PPP1R12B: variants seen among roughly 807,000 people sequenced by gnomAD.
PPP1R12B encodes protein phosphatase 1 regulatory subunit 12B.
A neutral mutation model predicts 126.1 loss-of-function variants in PPP1R12B; 76 were observed. That is an observed-to-expected ratio of 0.60 (90% CI 0.50 to 0.73). PPP1R12B has a LOEUF of 0.73. Among genes scored for constraint, PPP1R12B ranks in the 30% least tolerant of loss-of-function variants. PPP1R12B has a pLI of 0.00. For synonymous variants in PPP1R12B, 356 were observed against 434.7 expected, an observed-to-expected ratio of 0.82 and a Z score of 2.25; for missense variants, 1,052 against 1,205.1, an observed-to-expected ratio of 0.87 and a Z score of 1.88.
intron 12 of PPP1R12B, among the ~76,000 whole-genome samples, chr1:202,447,541 G>A (rs1224806517): frequency 6.6e-6 from 1 of 152,136 alleles, no homozygotes; most frequent in Non-Finnish European, 1.5e-5. Flanking sequence ...CAAATGTTGT[G>A]TTTCCAAAGC....
chr1:202,576,502 T>C (rs1004416890), intron 23 of PPP1R12B: 6 of 152,224 alleles, frequency 3.9e-5, no homozygotes, highest in Admixed American at 6.5e-5. Flanking sequence ...CTGTAGATGC[T>C]ATCATAGGCA....
At chr1:202,398,225 C>T (rs74136784) in intron 1 of PPP1R12B, among the ~76,000 whole-genome samples, 1,704 of 152,264 alleles carry the variant, frequency 0.011, 36 homozygotes, top group African/African-American at 0.039. Flanking sequence ...GTGCATTACA[C>T]GCACATGCAT....
At chr1:202,416,966 CT>C in intron 2 of PPP1R12B, 49 bp downstream of exon 2, 1 of 1,561,838 alleles carries the variant, frequency 6.4e-7, no homozygotes, top group Admixed American at 1.9e-5. Flanking sequence ...TAGGAATAGC[CT>C]TCATTTCTCC....
At chr1:202,500,218 GCT>G (rs151303629) in intron 18 of PPP1R12B, among the ~76,000 whole-genome samples, 608 of 145,804 alleles carry the variant, frequency 4.2e-3, no homozygotes, top group Middle Eastern at 0.011. Context: ...TCTCTCTCTT[GCT>G]CTCTCTCTCT....
intron 1 of PPP1R12B, among the ~76,000 whole-genome samples, chr1:202,415,173 A>G (rs1667908196): frequency 6.6e-6 from 1 of 152,196 alleles, no homozygotes; most frequent in Non-Finnish European, 1.5e-5. Flanking sequence ...AATATTAAAA[A>G]AAACATTTCT....
chr1:202,567,230 A>C (rs1038453359), intron 21 of PPP1R12B, among the ~76,000 whole-genome samples: 8 of 152,236 alleles, frequency 5.3e-5, no homozygotes, highest in African/African-American at 1.4e-4. Flanking sequence ...GAACCCCTTA[A>C]AGCCCACCCA....
At chr1:202,372,501 C>CA (rs1223978648) in intron 1 of PPP1R12B, among the ~76,000 whole-genome samples, 1,996 of 144,906 alleles carry the variant, frequency 0.014, 34 homozygotes, top group African/African-American at 0.043. Flanking sequence ...GACCCTGTCT[C>CA]AAAAAAAAAA....
intron 10 of PPP1R12B, chr1:202,439,045 C>A: frequency 1.4e-6 from 2 of 1,381,720 alleles, no homozygotes; most frequent in Non-Finnish European, 2.1e-6. Context: ...CGGACTTCAT[C>A]CTGGCCGCCA....
chr1:202,454,944 TCTC>T (rs1429935206), intron 13 of PPP1R12B, among the ~76,000 whole-genome samples: 1 of 151,942 alleles, frequency 6.6e-6, no homozygotes, highest in African/African-American at 2.4e-5. Flanking sequence ...AGATTTCCCT[TCTC>T]CTGGAGGATG....
rs1189699525 is a variant in PPP1R12B at position 202,495,367 on chromosome 1, A to T, written c.2220A>T (p.Arg740Ser). ...CGCCAGCATCTCCTTCTACGTCAAG[A>T]CCCTCACTCTACACCAGTTCCCACC... Reference protein sequence around the residue: ...PTTPASPSTSRPSLYTSSHLL... With the variant: ...PTTPASPSTSSPSLYTSSHLL... The change falls in exon 16 of 24, where the codon AGA becomes AGT. Residue 740 changes from arginine (R) to serine (S), a missense_variant. Arg to Ser is a moderately radical substitution (Grantham distance 110). Coordinates refer to ENST00000608999, the MANE Select transcript of PPP1R12B (RefSeq NM_002481.4). The T allele has an allele frequency of 6.2e-7, 1 of 1,607,274 alleles. No homozygotes were observed. Among genetic ancestry groups the T allele is most frequent in the Admixed American group, 1.7e-5 (1 of 59,390 alleles).
At chr1:202,490,762 A>G (rs1344800058) in intron 14 of PPP1R12B, among the ~76,000 whole-genome samples, 3 of 152,344 alleles carry the variant, frequency 2.0e-5, no homozygotes, top group Admixed American at 6.5e-5. Context: ...TAGCATAGTT[A>G]TCAAGGTTCA....
At chr1:202,374,505 T>TTC (rs1206774520) in intron 1 of PPP1R12B, among the ~76,000 whole-genome samples, 1 of 142,276 alleles carries the variant, frequency 7.0e-6, no homozygotes, top group Non-Finnish European at 1.5e-5. Context: ...TTTTTTTTTT[T>TTC]TTTTTTTTTT....
Position 202,584,028 on chromosome 1 carries a change from T to A in PPP1R12B, c.*3468T>A, listed in dbSNP as rs1244443791. 6.6e-6 allele frequency: 1 copy of A among 152,160 alleles called. No individual in the cohort carries two copies. The highest frequency in any genetic ancestry group is 1.9e-4 in the East Asian group (1 of 5,196). The allele number at this position is 152,160 out of a possible 1,614,324, so 9.4% of individuals were successfully genotyped here. Reference sequence around the variant, plus strand: ...GGCTGCTGATCCTTTTCCAGATAGCTCCAGAGTATGATGACCCCAGCCCCA... The same window carrying A: ...GGCTGCTGATCCTTTTCCAGATAGCACCAGAGTATGATGACCCCAGCCCCA... On this transcript the variant is annotated 3_prime_UTR_variant, in exon 24 of 24. Coordinates refer to ENST00000608999, the MANE Select transcript of PPP1R12B (RefSeq NM_002481.4).
intron 23 of PPP1R12B, chr1:202,575,153 C>G (rs766466758): frequency 1.2e-6 from 2 of 1,608,674 alleles, no homozygotes; most frequent in Non-Finnish European, 1.7e-6. Flanking sequence ...CCCCTACTCT[C>G]CAACTCACTT....
intron 1 of PPP1R12B, 34 bp from the exon 2 acceptor site, chr1:202,416,753 C>T (rs765700137): frequency 1.2e-6 from 2 of 1,602,860 alleles, no homozygotes; most frequent in Admixed American, 1.7e-5. Context: ...TCAATGAATA[C>T]TTGTTGAATG....
Position 202,584,812 on chromosome 1 carries a change from T to G in PPP1R12B, c.*4252T>G, listed in dbSNP as rs1375784065. On this transcript the variant is annotated 3_prime_UTR_variant, in exon 24 of 24. Coordinates refer to ENST00000608999, the MANE Select transcript of PPP1R12B (RefSeq NM_002481.4). Reference sequence around the variant, plus strand: ...TTAAGCAGAAAGAAAAGGGAAATTCTACTCTACCAGATGAGCCACTGGTTC... The same window carrying G: ...TTAAGCAGAAAGAAAAGGGAAATTCGACTCTACCAGATGAGCCACTGGTTC... 3 of 152,248 alleles carry G rather than the reference T, an allele frequency of 2.0e-5. No individual in the cohort carries two copies. The highest frequency in any genetic ancestry group is 7.2e-5 in the African/African-American group (3 of 41,470). 9.4% of individuals were successfully genotyped at this position (152,248 alleles called of 1,614,324 possible).
At chr1:202,553,321 T>G (rs77713936) in intron 18 of PPP1R12B, among the ~76,000 whole-genome samples, 1,741 of 152,318 alleles carry the variant, frequency 0.011, 21 homozygotes, top group Non-Finnish European at 0.02. Context: ...AGTAATTCCT[T>G]CTTTGAACAG....
At chr1:202,498,806 T>C (rs1324800910) in intron 18 of PPP1R12B, among the ~76,000 whole-genome samples, 1 of 152,194 alleles carries the variant, frequency 6.6e-6, no homozygotes. Flanking sequence ...TCCATTGAAA[T>C]GGTGCTGTTA....
rs1688353748 is a variant in PPP1R12B, at chr1:202,569,203, A to G, written c.2862+6A>G. ...AAATGGAGGAAGAAATGAAGGTATG[A>G]AGAGATTTTCTTTCTTTTTGTATGC... On this transcript the variant is annotated splice_donor_region_variant and intron_variant, in intron 23 of 23. Coordinates refer to ENST00000608999, the MANE Select transcript of PPP1R12B (RefSeq NM_002481.4). 6.2e-7 allele frequency: 1 copy of G among 1,612,520 alleles called. No homozygotes were observed. The highest frequency in any genetic ancestry group is 8.5e-7 in the Non-Finnish European group (1 of 1,178,720).
Sources: allele counts gnomAD v4.1 joint callset (sites outside exome capture counted in the v4.1 genomes callset), GRCh38; gene constraint gnomAD v4.1.1; transcripts MANE v1.5; gene names NCBI Gene and HGNC (gene_info 2026-07-23, HGNC 2026-07-21).